Variants in PRSS27 observed in about 807,000 individuals in gnomAD.
PRSS27 encodes the protein serine protease 27.
A neutral mutation model predicts 32.0 loss-of-function variants in PRSS27; 25 were observed. The ratio of observed to expected loss-of-function variants is 0.78; its 90% CI spans 0.57 to 1.09. The LOEUF (loss-of-function observed/expected upper bound fraction) is 1.09, where lower values mean the gene tolerates loss of function less well. PRSS27 is among the 50% of genes least tolerant of loss of function. PRSS27 has a pLI of 0.00. For missense variants in PRSS27, 401 were observed against 394.9 expected, an observed-to-expected ratio of 1.02 and a Z score of -0.13; for synonymous variants, 178 against 172.2, an observed-to-expected ratio of 1.03 and a Z score of -0.26.
At position 2,713,113 on chromosome 16, in the gene PRSS27, T is replaced by TA. The variant is rs1209857737; in HGVS notation, c.679-300dup. On this transcript the variant is annotated intron_variant, in intron 5 of 5. Coordinates refer to ENST00000302641, the MANE Select transcript of PRSS27 (RefSeq NM_031948.5). ...GAATCTGCTTTTTCTTTTTTTTTTT[T>TA]ATTGAGACGGAGTCTTGCTCTGTGG... 6 of 467,002 alleles carry TA rather than the reference T, an allele frequency of 1.3e-5. No individual in the cohort carries two copies. The East Asian group carries it at 2.2e-4, about 17-fold the overall frequency. The allele number at this position is 467,002 out of a possible 1,614,324, so 28.9% of individuals were successfully genotyped here. A position where few individuals can be genotyped will look rare whatever the true frequency, so the allele number is the denominator to read the frequency against.
rs113571043 is a variant in PRSS27 at position 2,713,197 on chromosome 16, C to T, written c.678+332G>A. ...CACTGCAAGCTCCGCCTCCCAGGTT[C>T]GCGCCATTCTCCTGCCTCAGCCTCC... On this transcript the variant is annotated intron_variant, in intron 5 of 5. Coordinates refer to ENST00000302641, the MANE Select transcript of PRSS27 (RefSeq NM_031948.5). 3,233 of 453,864 alleles carry T rather than the reference C, an allele frequency of 7.1e-3. 94 individuals are homozygous for T. Among genetic ancestry groups the T allele is most frequent in the African/African-American group, 0.056 (2,800 of 50,424 alleles). The allele number at this position is 453,864 out of a possible 1,614,324, so 28.1% of individuals were successfully genotyped here.
In PRSS27 at chr16:2,720,133, G is replaced by A. The variant is rs138445290; in HGVS notation, c.28C>T (p.Leu10=). The A allele has an allele frequency of 2.5e-5, 40 of 1,603,532 alleles. No homozygotes were observed. In the African/African-American group the frequency reaches 5.1e-4, roughly 20 times the overall value. The stretch of plus-strand genomic sequence containing the variant: ...GACTCACCAAAACACAGCAGCAGCA[G>A]GAGCGGCACCGCCGCCGGCCGCCTC... MRRPAAVPL[L]LLLCFGSQRA... is the part of the protein sequence containing the mutation. The change falls in exon 1 of 6, where the codon CTG becomes TTG. Residue 10 remains leucine (L), a synonymous_variant. Coordinates refer to ENST00000302641, the MANE Select transcript of PRSS27 (RefSeq NM_031948.5).
In PRSS27 at chr16:2,712,839, C is replaced by CA; in HGVS notation, c.679-26dup. ...CCTGCGGGGGACGCAGAGTCACCGT[C>CA]AGAGCCCACCTTGAGTTCCCAGAGA... On this transcript the variant is annotated intron_variant, in intron 5 of 5. Coordinates refer to ENST00000302641, the MANE Select transcript of PRSS27 (RefSeq NM_031948.5). The surrounding 1 kb of genome is among the most constrained non-coding windows in gnomAD (Gnocchi z 4.6). 6.7e-7 allele frequency: 1 copy of CA among 1,490,802 alleles called. No individual in the cohort carries two copies. Among genetic ancestry groups the CA allele is most frequent in the African/African-American group, 1.4e-5 (1 of 71,464 alleles). The allele number at this position is 1,490,802 out of a possible 1,614,324, so 92.3% of individuals were successfully genotyped here.
At position 2,714,295 on chromosome 16, in the gene PRSS27, C is replaced by T; in HGVS notation, c.278G>A (p.Arg93Lys). The change falls in exon 4 of 6, where the codon AGG becomes AAG. Residue 93 changes from arginine to lysine, a missense_variant. Physicochemically the swap from Arg to Lys is conservative, Grantham distance 26 (BLOSUM62 2). Coordinates refer to ENST00000302641, the MANE Select transcript of PRSS27 (RefSeq NM_031948.5). This position sits in a 1 kb window ranked among gnomAD's most constrained non-coding sequence, Gnocchi z 4.7. ...GTGTGGTCCCGGCTGCACTAGCTGCCTTGCCCCCAGCAGGACCTGGTACAG... is the reference window on the plus strand; with the variant it reads ...GTGTGGTCCCGGCTGCACTAGCTGCTTTGCCCCCAGCAGGACCTGGTACAG... Reference protein sequence around the residue: ...TSLYQVLLGARQLVQPGPHAM... With the variant: ...TSLYQVLLGAKQLVQPGPHAM... 1 of 1,613,398 alleles carries T rather than the reference C, an allele frequency of 6.2e-7. No homozygotes were observed. Among genetic ancestry groups the T allele is most frequent in the Non-Finnish European group, 8.5e-7 (1 of 1,179,966 alleles).
intron 1 of PRSS27, 80 bp downstream of exon 1, chr16:2,720,035 G>T: frequency 7.6e-7 from 1 of 1,313,942 alleles, no homozygotes; most frequent in Non-Finnish European, 1.1e-6. Context: ...GGGAGTAGGG[G>T]GCTGAGCCGG....
rs1596230006 is a variant in PRSS27 at position 2,712,924 on chromosome 16, A to G, written c.679-110T>C. 7 of 888,578 alleles carry G rather than the reference A, an allele frequency of 7.9e-6. No homozygotes were observed. The South Asian group carries it at 1.3e-4, about 16-fold the overall frequency. The allele number at this position is 888,578 out of a possible 1,614,324, so 55.0% of individuals were successfully genotyped here. A position where few individuals can be genotyped will look rare whatever the true frequency, so the allele number is the denominator to read the frequency against. ...GCAATGGATTCCTTCTCTCCATCCC[A>G]GAGCCTCTCTGCCCGGCTCCCCATC... On this transcript the variant is annotated intron_variant, in intron 5 of 5. Transcript: ENST00000302641. This position sits in a 1 kb window ranked among gnomAD's most constrained non-coding sequence, Gnocchi z 4.6.
rs1166372060 is a variant in PRSS27 at position 2,713,706 on chromosome 16, G to A, written c.509-8C>T. The A allele has an allele frequency of 1.9e-6, 3 of 1,614,044 alleles. No individual in the cohort carries two copies. Among genetic ancestry groups the A allele is most frequent in the Middle Eastern group, 1.7e-4 (1 of 6,060 alleles). On this transcript the variant is annotated splice_region_variant and splice_polypyrimidine_tract_variant and intron_variant, in intron 4 of 5. Transcript: ENST00000302641. The stretch of plus-strand genomic sequence containing the variant: ...GCGGTTCGGGCAGGAGGTCTGGAGA[G>A]GGGCGGAACAGCCCAGGGCTCAACG...
chr16:2,716,314 G>T (rs1463921815), intron 2 of PRSS27, 186 bp downstream of exon 2: 7 of 645,314 alleles, frequency 1.1e-5, no homozygotes, highest in Admixed American at 2.4e-5. Flanking sequence ...TGTGCTGCCC[G>T]TCCTGCTCTT....
Position 2,712,877 on chromosome 16 carries a change from C to T in PRSS27, c.679-63G>A, listed in dbSNP as rs542760303. 102 of 1,318,268 alleles carry T rather than the reference C, an allele frequency of 7.7e-5. No individual in the cohort carries two copies. Among genetic ancestry groups the T allele is most frequent in the South Asian group, 6.4e-4 (43 of 67,682 alleles). 81.7% of individuals were successfully genotyped at this position (1,318,268 alleles called of 1,614,324 possible). On this transcript the variant is annotated intron_variant, in intron 5 of 5. Transcript: ENST00000302641. The surrounding 1 kb of genome is among the most constrained non-coding windows in gnomAD (Gnocchi z 4.6). ...GAGTTCCCAGAGACTCAGTTGCAGC[C>T]GCACAGGAGGTGTGTAGCTCCGCAA...
chr16:2,713,052 A>G, intron 5 of PRSS27: 1 of 543,608 alleles, frequency 1.8e-6, no homozygotes, highest in Non-Finnish European at 3.2e-6. Flanking sequence ...CCCACCCCAG[A>G]CCCACTGACT....
rs2067683952 is a variant in PRSS27, at chr16:2,714,034, C to A, written c.508+31G>T. 1 of 1,576,132 alleles carries A rather than the reference C, an allele frequency of 6.3e-7. No individual in the cohort carries two copies. Among genetic ancestry groups the A allele is most frequent in the Non-Finnish European group, 8.6e-7 (1 of 1,159,558 alleles). On this transcript the variant is annotated intron_variant, in intron 4 of 5. Coordinates refer to ENST00000302641, the MANE Select transcript of PRSS27 (RefSeq NM_031948.5). The surrounding 1 kb of genome is among the most constrained non-coding windows in gnomAD (Gnocchi z 4.7). ...CGTCCTGGGCCTTCTTGAGGCATAT[C>A]CCCCATTCTTTCCCAGCCCTGTCCC...
At position 2,715,793 on chromosome 16, in the gene PRSS27, C is replaced by T. The variant is rs1383585900; in HGVS notation, c.161G>A (p.Arg54His). 1.2e-6 allele frequency: 2 copies of T among 1,602,554 alleles called. No individual in the cohort carries two copies. Among genetic ancestry groups the T allele is most frequent in the Non-Finnish European group, 1.7e-6 (2 of 1,177,020 alleles). The change falls in exon 3 of 6, where the codon CGC becomes CAC. Residue 54 changes from arginine (R) to histidine (H), a missense_variant. Coordinates refer to ENST00000302641, the MANE Select transcript of PRSS27 (RefSeq NM_031948.5). ...GEWPWQVSIQ[R>H]NGSHFCGGSL... ...GCCCCCGCAGAAGTGGCTTCCGTTG[C>T]GCTGGATGCTGACTTGCCAGGGCCA...
At chr16:2,716,648 G>A (rs1251229421) in intron 1 of PRSS27, 122 bp from the exon 2 acceptor site, 4 of 992,956 alleles carry the variant, frequency 4.0e-6, no homozygotes, top group Non-Finnish European at 6.1e-6. Context: ...ACAGTCCACA[G>A]AGGGACCTCA....
chr16:2,712,786 A>G lies in PRSS27; in HGVS notation c.707T>C (p.Leu236Pro), dbSNP rs773247907. ...CGCCTGCAGCCACGACTGACCCACGAGGCACACCAGGGGGCCGCCCGAGTC... is the reference window on the plus strand; with the variant it reads ...CGCCTGCAGCCACGACTGACCCACGGGGCACACCAGGGGGCCGCCCGAGTC... ...KGDSGGPLVC[L>P]VGQSWLQAGV... The change falls in exon 6 of 6, where the codon CTC becomes CCC. Residue 236 changes from leucine to proline, a missense_variant. Coordinates refer to ENST00000302641, the MANE Select transcript of PRSS27 (RefSeq NM_031948.5). The surrounding 1 kb of genome is among the most constrained non-coding windows in gnomAD (Gnocchi z 4.6). 5.1e-6 allele frequency: 8 copies of G among 1,582,750 alleles called. No homozygotes were observed. In the Admixed American group the frequency reaches 1.4e-4, roughly 28 times the overall value.
At chr16:2,716,300 G>A in intron 2 of PRSS27, 200 bp downstream of exon 2, 1 of 625,794 alleles carries the variant, frequency 1.6e-6, no homozygotes, top group East Asian at 2.7e-5. Flanking sequence ...GCGCCTCAAG[G>A]CTCTGTGCTG....
intron 1 of PRSS27, chr16:2,718,117 T>A (rs1476190035): frequency 2.0e-5 from 3 of 152,206 alleles, no homozygotes; most frequent in Non-Finnish European, 4.4e-5. Context: ...TCTCGCTCTC[T>A]GGGAGTCTGC....
At position 2,717,446 on chromosome 16, in the gene PRSS27, G is replaced by A. The variant is rs574575079; in HGVS notation, c.47-920C>T. ...CAGGACCATAGTGTACAGCCCCAGG[G>A]TAGCAAAGCCTGGAACTTCCTGGCC... is the stretch of plus-strand genomic sequence containing the variant. On this transcript the variant is annotated intron_variant, in intron 1 of 5. Coordinates refer to ENST00000302641, the MANE Select transcript of PRSS27 (RefSeq NM_031948.5). The surrounding 1 kb of genome is among the most constrained non-coding windows in gnomAD (Gnocchi z 4.1). 6.6e-6 allele frequency: 1 copy of A among 152,258 alleles called. No homozygotes were observed. The highest frequency in any genetic ancestry group is 2.4e-5 in the African/African-American group (1 of 41,400). 9.4% of individuals were successfully genotyped at this position (152,258 alleles called of 1,614,324 possible). A position where few individuals can be genotyped will look rare whatever the true frequency, so the allele number is the denominator to read the frequency against.
intron 2 of PRSS27, chr16:2,716,089 G>A (rs1250400280): frequency 1.4e-5 from 7 of 516,958 alleles, no homozygotes; most frequent in African/African-American, 3.9e-5. Context: ...TCTCCTCGCC[G>A]AGAAAGGCAA....
chr16:2,715,768 G>A lies in PRSS27; in HGVS notation c.186C>T (p.Gly62=), dbSNP rs1277281819. Reference sequence around the variant, plus strand: ...GGACCCACTGCTCCGCGATGAGGCTGCCCCCGCAGAAGTGGCTTCCGTTGC... The same window carrying A: ...GGACCCACTGCTCCGCGATGAGGCTACCCCCGCAGAAGTGGCTTCCGTTGC... ...IQRNGSHFCG[G]SLIAEQWVLT... Residue 62 remains glycine, a synonymous_variant, in exon 3 of 6, where the codon GGC becomes GGT. Coordinates refer to ENST00000302641, the MANE Select transcript of PRSS27 (RefSeq NM_031948.5). 1.3e-6 allele frequency: 2 copies of A among 1,591,906 alleles called. No homozygotes were observed. The highest frequency in any genetic ancestry group is 8.5e-7 in the Non-Finnish European group (1 of 1,172,558).
Sources: allele counts gnomAD v4.1 joint callset, GRCh38; gene constraint gnomAD v4.1.1; non-coding constraint Gnocchi (gnomAD v3.1); transcripts MANE v1.5; gene names NCBI Gene and HGNC (gene_info 2026-07-23, HGNC 2026-07-21).